Variants in MAT2A observed in about 807,000 individuals in gnomAD.
MAT2A encodes the protein S-adenosylmethionine synthase isoform type-2.
In MAT2A, 3 loss-of-function variants were observed where a neutral mutation model predicts 43.9. That is an observed-to-expected ratio of 0.07 (90% CI 0.03 to 0.18). The LOEUF (loss-of-function observed/expected upper bound fraction) is 0.18, where lower values mean the gene tolerates loss of function less well. Ranked by LOEUF, MAT2A falls within the 10% of genes least tolerant of loss-of-function variation. MAT2A has a pLI of 1.00. For missense variants in MAT2A, 204 were observed against 489.0 expected, an observed-to-expected ratio of 0.42 and a Z score of 5.50; for synonymous variants, 200 against 168.4, an observed-to-expected ratio of 1.19 and a Z score of -1.45.
rs1382731073 is a variant in MAT2A at position 85,544,949 on chromosome 2, TTC to T, written c.*1182_*1183del. ...GCAGCTTTTAAAAGATTTTTTTTTT[TTC>T]TCTCAACACCATGATTCCTTTAACA... On this transcript the variant is annotated 3_prime_UTR_variant, in exon 9 of 9. Coordinates refer to ENST00000306434, the MANE Select transcript of MAT2A (RefSeq NM_005911.6). 3 of 152,602 alleles carry T rather than the reference TTC, an allele frequency of 2.0e-5. No homozygotes were observed. The highest frequency in any genetic ancestry group is 2.9e-5 in the Non-Finnish European group (2 of 68,040). The allele number at this position is 152,602 out of a possible 1,614,324, so 9.5% of individuals were successfully genotyped here.
intron 1 of MAT2A, chr2:85,539,752 C>T (rs1691414879): frequency 6.2e-6 from 1 of 161,848 alleles, no homozygotes; most frequent in East Asian, 1.8e-4. Context: ...GGGCGACCCG[C>T]CCCGCGTGCT....
At position 85,542,760 on chromosome 2, in the gene MAT2A, T is replaced by C. The variant is rs1192535279; in HGVS notation, c.951+13T>C. The C allele has an allele frequency of 1.9e-6, 3 of 1,593,126 alleles. No homozygotes were observed. The highest frequency in any genetic ancestry group is 1.1e-5 in the South Asian group (1 of 89,794). ...GGTTCTTGTTCAGGTATACACTCTT[T>C]ATATAACGAACGATTAAAAGTCATG... On this transcript the variant is annotated intron_variant, in intron 7 of 8. Transcript: ENST00000306434.
At chr2:85,543,539 T>G (rs1323680495) in intron 8 of MAT2A, 131 bp from the exon 9 acceptor site, 2 of 624,372 alleles carry the variant, frequency 3.2e-6, no homozygotes, top group Non-Finnish European at 5.7e-6. Flanking sequence ...GTAACACTTT[T>G]GCCACAAATT....
intron 6 of MAT2A, 37 bp downstream of exon 6, chr2:85,542,410 T>A: frequency 6.3e-7 from 1 of 1,598,178 alleles, no homozygotes; most frequent in Non-Finnish European, 8.6e-7. Context: ...GGATTTTTGA[T>A]GGTTACTTAA....
intron 5 of MAT2A, 63 bp downstream of exon 5, chr2:85,542,035 T>A: frequency 6.3e-7 from 1 of 1,596,512 alleles, no homozygotes; most frequent in South Asian, 1.1e-5. Context: ...GATCCATAAT[T>A]TTGATAATAG....
At chr2:85,543,196 G>C in intron 8 of MAT2A, 162 bp downstream of exon 8, 1 of 753,150 alleles carries the variant, frequency 1.3e-6, no homozygotes, top group Non-Finnish European at 2.1e-6. Context: ...TGAAGACTTA[G>C]TTATTTGAGA....
At chr2:85,540,841 T>C (rs1305355182) in intron 1 of MAT2A, among the ~76,000 whole-genome samples, 4 of 152,296 alleles carry the variant, frequency 2.6e-5, no homozygotes, top group African/African-American at 7.2e-5. Flanking sequence ...GAATATGATA[T>C]AGGGCAAATT....
chr2:85,542,061 A>T, intron 5 of MAT2A, 89 bp downstream of exon 5: 1 of 1,586,530 alleles, frequency 6.3e-7, no homozygotes, highest in Non-Finnish European at 8.6e-7. Context: ...TGGAAAAAAT[A>T]GCATTTGTTT....
At chr2:85,542,434 A>G in intron 6 of MAT2A, 61 bp downstream of exon 6, 4 of 1,574,332 alleles carry the variant, frequency 2.5e-6, no homozygotes, top group Non-Finnish European at 3.5e-6. Context: ...TTTGGCTACT[A>G]CATTTTTTTC....
Position 85,541,378 on chromosome 2 carries a change from G to GT in MAT2A, c.292+2dup. 6.2e-7 allele frequency: 1 copy of GT among 1,609,886 alleles called. No homozygotes were observed. The highest frequency in any genetic ancestry group is 8.5e-7 in the Non-Finnish European group (1 of 1,178,912). On this transcript the variant is annotated splice_donor_variant, in intron 3 of 8. Transcript: ENST00000306434. LOFTEE classifies it high-confidence loss of function. Reference sequence around the variant, plus strand: ...ATTGGATATGATGATTCTTCCAAAGGTGTGTTTTAATGATTTTGCTCATTT... The same window carrying GT: ...ATTGGATATGATGATTCTTCCAAAGGTTGTGTTTTAATGATTTTGCTCATTT...
chr2:85,544,090 A>G lies in MAT2A; in HGVS notation c.*318A>G, dbSNP rs1691547768. 5.2e-6 allele frequency: 1 copy of G among 193,136 alleles called. No individual in the cohort carries two copies. The allele number at this position is 193,136 out of a possible 1,614,324, so 12.0% of individuals were successfully genotyped here. A position where few individuals can be genotyped will look rare whatever the true frequency, so the allele number is the denominator to read the frequency against. ...TTTGTGCCCTATCACCCAACGCTCC[A>G]AAGTCATAATTGCATTGACTTTCCC... On this transcript the variant is annotated 3_prime_UTR_variant, in exon 9 of 9. Transcript: ENST00000306434.
At chr2:85,540,554 C>T (rs1691448733) in intron 1 of MAT2A, among the ~76,000 whole-genome samples, 1 of 152,196 alleles carries the variant, frequency 6.6e-6, no homozygotes, top group Non-Finnish European at 1.5e-5. Context: ...TATTTGTTCT[C>T]CCTCCTAACA....
intron 3 of MAT2A, 57 bp from the exon 4 acceptor site, chr2:85,541,576 C>A: frequency 1.4e-6 from 2 of 1,394,922 alleles, no homozygotes; most frequent in Non-Finnish European, 2.0e-6. Flanking sequence ...CAGATAATTG[C>A]TGTAAACAGC....
chr2:85,542,509 A>G (rs1479195354), intron 6 of MAT2A, 56 bp from the exon 7 acceptor site: 7 of 1,556,322 alleles, frequency 4.5e-6, no homozygotes, highest in Admixed American at 1.7e-5. Context: ...AGAATAGGCA[A>G]CCTAATCCAC....
rs756597114 is a variant in MAT2A, at chr2:85,541,885, T to C, written c.462T>C (p.Ile154=). The change falls in exon 5 of 9, where the codon ATT becomes ATC. Residue 154 remains isoleucine, a synonymous_variant. Coordinates refer to ENST00000306434, the MANE Select transcript of MAT2A (RefSeq NM_005911.6). ...CTGAGGAGTGTATGCCTTTAACCATTGTCTTGGCACACAAGCTAAATGCCA... is the reference window on the plus strand; with the variant it reads ...CTGAGGAGTGTATGCCTTTAACCATCGTCTTGGCACACAAGCTAAATGCCA... ...DETEECMPLT[I]VLAHKLNAKL... is the part of the protein sequence containing the mutation. The C allele has an allele frequency of 4.3e-6, 7 of 1,614,138 alleles. No individual in the cohort carries two copies. The highest frequency in any genetic ancestry group is 5.9e-6 in the Non-Finnish European group (7 of 1,180,038).
rs1691596118 is a variant in MAT2A, at chr2:85,545,166, GCC to G, written c.*1396_*1397del. On this transcript the variant is annotated 3_prime_UTR_variant, in exon 9 of 9. Coordinates refer to ENST00000306434, the MANE Select transcript of MAT2A (RefSeq NM_005911.6). ...TTACATGCTTATTCCATGACTGCTT[GCC>G]CTAAGCAGAAAGTGCCTTTCAGGAT... 1 of 152,592 alleles carries G rather than the reference GCC, an allele frequency of 6.6e-6. No individual in the cohort carries two copies. The highest frequency in any genetic ancestry group is 1.5e-5 in the Non-Finnish European group (1 of 68,034). The allele number at this position is 152,592 out of a possible 1,614,324, so 9.5% of individuals were successfully genotyped here. A position where few individuals can be genotyped will look rare whatever the true frequency, so the allele number is the denominator to read the frequency against.
intron 3 of MAT2A, 100 bp from the exon 4 acceptor site, chr2:85,541,533 T>C: frequency 7.8e-7 from 1 of 1,284,520 alleles, no homozygotes; most frequent in South Asian, 1.4e-5. Context: ...ATGGTTTAGG[T>C]ATATTTGATT....
At chr2:85,542,051 T>C in intron 5 of MAT2A, 79 bp downstream of exon 5, 2 of 1,587,474 alleles carry the variant, frequency 1.3e-6, no homozygotes, top group Non-Finnish European at 1.7e-6. Flanking sequence ...AATAGCTAAC[T>C]GGAAAAAATA....
chr2:85,543,210 T>A (rs1427558595), intron 8 of MAT2A, 176 bp downstream of exon 8: 15 of 686,050 alleles, frequency 2.2e-5, no homozygotes, highest in Non-Finnish European at 3.1e-5. Flanking sequence ...TTTGAGAAAT[T>A]TAAAATTACG....
Sources: gnomAD v4.1 joint callset for allele counts (sites outside exome capture counted in the v4.1 genomes callset) on GRCh38, gnomAD v4.1.1 for gene constraint, MANE v1.5 for transcripts, NCBI Gene and HGNC (gene_info 2026-07-23, HGNC 2026-07-21) for gene names.